The following DAB1 variants were observed in gnomAD, a reference collection of about 807,000 sequenced individuals.
DAB1 encodes the protein disabled homolog 1.
Under a neutral mutation model 64.6 loss-of-function variants are expected in DAB1, and 15 were observed. That is an observed-to-expected ratio of 0.23 (90% CI 0.16 to 0.36). The LOEUF (loss-of-function observed/expected upper bound fraction) is 0.36, where lower values mean the gene tolerates loss of function less well. Among genes scored for constraint, DAB1 ranks in the 10% least tolerant of loss-of-function variants. DAB1 has a pLI of 1.00. For synonymous variants in DAB1, 235 were observed against 251.9 expected, an observed-to-expected ratio of 0.93 and a Z score of 0.64; for missense variants, 596 against 706.7, an observed-to-expected ratio of 0.84 and a Z score of 1.78.
chr1:57,491,862 T>C lies in DAB1; in HGVS notation n.625+157730A>G, dbSNP rs1030883723. On this transcript the variant is annotated intron_variant and non_coding_transcript_variant, in intron 7 of 20. Coordinates refer to the DAB1 transcript ENST00000485760. ...GTTTGATCGAGGAAGACTTTCTAGATAGGTGGGTCATGAACTAGAACTTGA... is the reference window on the plus strand; with the variant it reads ...GTTTGATCGAGGAAGACTTTCTAGACAGGTGGGTCATGAACTAGAACTTGA... Among the ~76,000 whole-genome samples, 6 of 151,992 alleles carry C rather than the reference T, an allele frequency of 3.9e-5. 1 individual carries two copies. The highest frequency in any genetic ancestry group is 2.9e-5 in the Non-Finnish European group (2 of 67,996).
At chr1:58,326,071 A>G (rs1662815813) in intron 4 of DAB1, among the ~76,000 whole-genome samples, 1 of 152,162 alleles carries the variant, frequency 6.6e-6, no homozygotes. Context: ...CCAGGGGACA[A>G]TGTATTCAGC....
At chr1:57,196,824 T>C (rs538411748) in intron 2 of DAB1, among the ~76,000 whole-genome samples, 19 of 152,342 alleles carry the variant, frequency 1.2e-4, no homozygotes, top group African/African-American at 3.6e-4. Flanking sequence ...TTATGTAGTT[T>C]GAAAATTCAC....
chr1:58,208,953 A>G (rs1658416766), intron 4 of DAB1, among the ~76,000 whole-genome samples: 1 of 152,156 alleles, frequency 6.6e-6, no homozygotes, highest in African/African-American at 2.4e-5. Flanking sequence ...AATGGACTGG[A>G]GTTAATTAAG....
intron 1 of DAB1, among the ~76,000 whole-genome samples, chr1:57,310,930 A>T (rs1674647137): frequency 6.6e-6 from 1 of 151,896 alleles, no homozygotes; most frequent in Non-Finnish European, 1.5e-5. Context: ...TAGGAATTTG[A>T]GGCTGCGCTG....
intron 7 of DAB1, among the ~76,000 whole-genome samples, chr1:57,493,291 T>C (rs1250209989): frequency 6.6e-6 from 1 of 152,150 alleles, no homozygotes; most frequent in Non-Finnish European, 1.5e-5. Flanking sequence ...CCCCTATTTC[T>C]TCCTTCCTCC....
intron 4 of DAB1, among the ~76,000 whole-genome samples, chr1:58,283,252 G>T (rs769159475): frequency 4.1e-4 from 63 of 151,956 alleles, no homozygotes; most frequent in Non-Finnish European, 6.8e-4. Flanking sequence ...GAGAGAAGAA[G>T]AATTTGTATT....
chr1:57,706,947 G>A lies in DAB1; in HGVS notation n.552-57282C>T, dbSNP rs189069443. Among the ~76,000 whole-genome samples the A allele has an allele frequency of 7.9e-5, 12 of 152,036 alleles. No individual in the cohort carries two copies. The East Asian group carries it at 1.7e-3, about 22-fold the overall frequency. On this transcript the variant is annotated intron_variant and non_coding_transcript_variant, in intron 6 of 20. Transcript: ENST00000485760. Reference sequence around the variant, plus strand: ...AAATTAGCCGGGCGTGGTGGCAGGCGCCTGTAATTGCAGCTATTCAGGAGG... The same window carrying A: ...AAATTAGCCGGGCGTGGTGGCAGGCACCTGTAATTGCAGCTATTCAGGAGG...
At chr1:57,252,446 T>A (rs1247740916) in intron 2 of DAB1, among the ~76,000 whole-genome samples, 1 of 152,178 alleles carries the variant, frequency 6.6e-6, no homozygotes, top group Non-Finnish European at 1.5e-5. Context: ...CTGAGTTTAT[T>A]TCCATGAAAA....
chr1:58,050,776 G>A (rs151127839), intron 5 of DAB1, among the ~76,000 whole-genome samples: 3,286 of 152,112 alleles, frequency 0.022, 115 homozygotes, highest in African/African-American at 0.071. Context: ...TGATCCGCCC[G>A]CCTCGGCCTC....
intron 4 of DAB1, among the ~76,000 whole-genome samples, chr1:58,269,067 G>A (rs1227047582): frequency 8.6e-5 from 13 of 150,398 alleles, no homozygotes; most frequent in South Asian, 6.4e-4. Context: ...ACATTGTGCA[G>A]GTTAGTTACA....
In DAB1 at chr1:57,701,422, A is replaced by G. The variant is rs1416251643; in HGVS notation, n.552-51757T>C. Among the ~76,000 whole-genome samples the G allele has an allele frequency of 2.0e-5, 3 of 152,046 alleles. 1 individual carries two copies. In the South Asian group the frequency reaches 6.2e-4, roughly 32 times the overall value. On this transcript the variant is annotated intron_variant and non_coding_transcript_variant, in intron 6 of 20. Transcript: ENST00000485760. Reference sequence around the variant, plus strand: ...CTTTGTAGGGACATGGATGAAGCTGAAAACCATCATTCTCAGCAAACTATC... The same window carrying G: ...CTTTGTAGGGACATGGATGAAGCTGGAAACCATCATTCTCAGCAAACTATC...
At chr1:57,625,302 C>T (rs538083331) in intron 7 of DAB1, among the ~76,000 whole-genome samples, 1 of 152,158 alleles carries the variant, frequency 6.6e-6, no homozygotes, top group South Asian at 2.1e-4. Flanking sequence ...TGTCTCCGTG[C>T]TGTGTCTCTC....
intron 4 of DAB1, among the ~76,000 whole-genome samples, chr1:58,314,307 C>A (rs1557729309): frequency 6.6e-6 from 1 of 152,164 alleles, no homozygotes; most frequent in Non-Finnish European, 1.5e-5. Flanking sequence ...ATTCCAAAAG[C>A]CTGATCCTGT....
chr1:57,710,427 C>A (rs908775395), intron 6 of DAB1, among the ~76,000 whole-genome samples: 1 of 152,148 alleles, frequency 6.6e-6, no homozygotes, highest in African/African-American at 2.4e-5. Flanking sequence ...ACAAGATGTA[C>A]AAACTTCACT....
At chr1:58,277,539 G>T (rs908974151) in intron 4 of DAB1, among the ~76,000 whole-genome samples, 4 of 152,136 alleles carry the variant, frequency 2.6e-5, no homozygotes, top group African/African-American at 9.7e-5. Flanking sequence ...AGCTGGCAAG[G>T]TCATGCTCGG....
intron 4 of DAB1, among the ~76,000 whole-genome samples, chr1:58,169,821 C>A (rs907249936): frequency 1.3e-5 from 2 of 152,162 alleles, no homozygotes; most frequent in African/African-American, 4.8e-5. Context: ...AACCCCCAGG[C>A]TATCGGTTAT....
In DAB1 at chr1:58,182,236, C is replaced by T. The variant is rs1656833943; in HGVS notation, n.310-31648G>A. On this transcript the variant is annotated intron_variant and non_coding_transcript_variant, in intron 4 of 20. Transcript: ENST00000485760. The stretch of plus-strand genomic sequence containing the variant: ...TATTTCTTTATATTTGGTTTTCAAT[C>T]GTTTGACTATGATATATCTAAATGT... Among the ~76,000 whole-genome samples the T allele has an allele frequency of 2.6e-5, 4 of 151,722 alleles. No homozygotes were observed. In the South Asian group the frequency reaches 8.3e-4, roughly 31 times the overall value.
chr1:57,644,041 C>A (rs1474551722), intron 7 of DAB1, among the ~76,000 whole-genome samples: 1 of 152,196 alleles, frequency 6.6e-6, no homozygotes, highest in Non-Finnish European at 1.5e-5. Context: ...TCCTCTCTTC[C>A]CTCTATATCA....
At chr1:57,312,972 T>A (rs1306947896) in intron 1 of DAB1, among the ~76,000 whole-genome samples, 2 of 152,124 alleles carry the variant, frequency 1.3e-5, no homozygotes, top group African/African-American at 4.8e-5. Flanking sequence ...CTTGCTCTCA[T>A]GAAGCCCTGG....
Sources: gnomAD v4.1 joint callset for allele counts (sites outside exome capture counted in the v4.1 genomes callset) on GRCh38, gnomAD v4.1.1 for gene constraint, MANE v1.5 for transcripts, NCBI Gene and HGNC (gene_info 2026-07-23, HGNC 2026-07-21) for gene names.